Variants in RELL1 observed in about 807,000 individuals in gnomAD.
RELL1 encodes the protein RELT like 1, also known as RELT-like protein 1.
RELL1 carries 10 observed loss-of-function variants against 23.0 expected under a neutral mutation model. The ratio of observed to expected loss-of-function variants is 0.43; its 90% CI spans 0.27 to 0.74. The LOEUF is 0.74. RELL1 is among the 30% of genes least tolerant of loss of function. The pLI, the probability that RELL1 is intolerant of heterozygous loss-of-function variation, is 0.19. For missense variants in RELL1, 315 were observed against 364.4 expected (o/e 0.86, Z 1.10); for synonymous variants, 146 against 146.8 (o/e 0.99, Z 0.04).
chr4:37,669,280 G>A (rs1721699199), intron 1 of RELL1, among the ~76,000 whole-genome samples: 1 of 147,424 alleles, frequency 6.8e-6, no homozygotes, highest in Admixed American at 6.6e-5. Flanking sequence ...CGGGAGGTGA[G>A]GGGAGCCTCT....
chr4:37,632,084 GAAAAAAAAAAA>G (rs1183120605), intron 5 of RELL1, among the ~76,000 whole-genome samples: 48 of 44,470 alleles, frequency 1.1e-3, no homozygotes, highest in African/African-American at 4.3e-3. Context: ...TCTCAATAAG[GAAAAAAAAAAA>G]AAAAAAAAAA....
intron 3 of RELL1, among the ~76,000 whole-genome samples, chr4:37,646,866 CA>C (rs1184550715): frequency 6.6e-6 from 1 of 151,996 alleles, no homozygotes; most frequent in Non-Finnish European, 1.5e-5. Flanking sequence ...TAGCTGGGAA[CA>C]TAGGAATGTG....
At chr4:37,640,004 C>T (rs554400040) in intron 3 of RELL1, among the ~76,000 whole-genome samples, 60 of 152,204 alleles carry the variant, frequency 3.9e-4, no homozygotes, top group Non-Finnish European at 6.6e-4. Flanking sequence ...ATGTACAATA[C>T]GGCAGATATA....
At chr4:37,619,035 A>G (rs1719677032) in intron 6 of RELL1, among the ~76,000 whole-genome samples, 1 of 150,990 alleles carries the variant, frequency 6.6e-6, no homozygotes, top group Non-Finnish European at 1.5e-5. Flanking sequence ...ATGCGCCACC[A>G]CCCCCAGCTA....
At chr4:37,590,629 T>C, downstream of RELL1, 1 of 1,614,090 alleles carries the variant, frequency 6.2e-7, no homozygotes, top group African/African-American at 1.3e-5. Flanking sequence ...CCTTCAGCAT[T>C]GGGGCCCAGC....
intron 1 of RELL1, 26 bp from the exon 2 acceptor site, chr4:37,649,526 A>G: frequency 1.3e-6 from 2 of 1,591,584 alleles, no homozygotes; most frequent in Non-Finnish European, 1.7e-6. Flanking sequence ...TGCATGCTGC[A>G]TTAGATATCT....
At chr4:37,673,096 G>T (rs1167290572) in intron 1 of RELL1, among the ~76,000 whole-genome samples, 1 of 149,210 alleles carries the variant, frequency 6.7e-6, no homozygotes. Context: ...TCTAACTTAA[G>T]AAAAATACAT....
intron 1 of RELL1, among the ~76,000 whole-genome samples, chr4:37,654,465 T>A (rs1721054599): frequency 6.6e-6 from 1 of 152,232 alleles, no homozygotes; most frequent in Non-Finnish European, 1.5e-5. Flanking sequence ...AAATAGCTTT[T>A]AAATAACAAA....
At chr4:37,637,179 G>A (rs997085728) in intron 4 of RELL1, among the ~76,000 whole-genome samples, 4 of 152,186 alleles carry the variant, frequency 2.6e-5, no homozygotes, top group East Asian at 1.9e-4. Flanking sequence ...AACACCAGCC[G>A]TCTGTGGCCA....
At chr4:37,631,931 T>C (rs553213209) in intron 5 of RELL1, among the ~76,000 whole-genome samples, 28 of 151,606 alleles carry the variant, frequency 1.8e-4, no homozygotes, top group African/African-American at 6.3e-4. Context: ...TTACAAAAAT[T>C]AGCCAGGTGT....
chr4:37,647,562 C>T, intron 2 of RELL1, 123 bp from the exon 3 acceptor site: 1 of 638,272 alleles, frequency 1.6e-6, no homozygotes, highest in South Asian at 1.8e-5. Context: ...ACCCATGGTG[C>T]TACAATTCTA....
chr4:37,604,868 C>CACAG (rs1719134521), intron 6 of RELL1, among the ~76,000 whole-genome samples: 9 of 87,492 alleles, frequency 1.0e-4, no homozygotes, highest in African/African-American at 3.8e-4. Context: ...CACACACAGA[C>CACAG]ACACACACAC....
intron 6 of RELL1, among the ~76,000 whole-genome samples, chr4:37,595,788 C>T (rs1231391484): frequency 4.6e-5 from 7 of 152,104 alleles, no homozygotes; most frequent in East Asian, 1.9e-4. Flanking sequence ...AATGAGTCCA[C>T]GTTACCCTAA....
chr4:37,608,407 C>T (rs1244522624), downstream of RELL1, among the ~76,000 whole-genome samples: 3 of 152,126 alleles, frequency 2.0e-5, no homozygotes, highest in Admixed American at 6.6e-5. Context: ...AGCAAATACA[C>T]GAATGATAAG....
At chr4:37,604,328 C>T (rs903489736) in intron 6 of RELL1, among the ~76,000 whole-genome samples, 1 of 151,624 alleles carries the variant, frequency 6.6e-6, no homozygotes, top group Non-Finnish European at 1.5e-5. Flanking sequence ...CTAAGCCCGT[C>T]GTCCCCAAGT....
chr4:37,679,944 T>C (rs1048102576), intron 1 of RELL1, among the ~76,000 whole-genome samples: 2 of 151,822 alleles, frequency 1.3e-5, no homozygotes, highest in Non-Finnish European at 2.9e-5. Context: ...AGAGAGAGAC[T>C]CCATCTCAAA....
chr4:37,684,997 T>C (rs1238333185), intron 1 of RELL1, among the ~76,000 whole-genome samples: 1 of 152,070 alleles, frequency 6.6e-6, no homozygotes, highest in Non-Finnish European at 1.5e-5. Context: ...CAGTAAAACA[T>C]GTCACTAGCT....
intron 1 of RELL1, chr4:37,665,238 A>T: frequency 2.2e-6 from 1 of 456,322 alleles, no homozygotes; most frequent in Non-Finnish European, 4.4e-6. Context: ...TTTTACAAAC[A>T]TAAATAAGTA....
At chr4:37,606,231 GAAGAC>G (rs1304078975), downstream of RELL1, among the ~76,000 whole-genome samples, 1 of 136,254 alleles carries the variant, frequency 7.3e-6, no homozygotes, top group African/African-American at 2.4e-5. The surrounding 1 kb of genome is among the most constrained non-coding windows in gnomAD (Gnocchi z 4.1). Flanking sequence ...AAAAAGGAAA[GAAGAC>G]AAGAGAAAGA....
Sources: gnomAD v4.1 joint callset for allele counts (sites outside exome capture counted in the v4.1 genomes callset) on GRCh38, gnomAD v4.1.1 for gene constraint, Gnocchi (gnomAD v3.1) non-coding constraint, MANE v1.5 for transcripts, NCBI Gene and HGNC (gene_info 2026-07-23, HGNC 2026-07-21) for gene names.